The following KIAA1328 variants were observed in gnomAD, a reference collection of about 807,000 sequenced individuals.
KIAA1328 encodes the protein protein hinderin.
In KIAA1328, 52 loss-of-function variants were observed where a neutral mutation model predicts 68.1. The observed-to-expected ratio is 0.76, with a 90% CI of 0.61 to 0.96. The LOEUF is 0.96. Among genes scored for constraint, KIAA1328 ranks in the 40% least tolerant of loss-of-function variants. The pLI is 0.00. For missense variants in KIAA1328, 641 were observed against 677.6 expected (o/e 0.95, Z 0.60); for synonymous variants, 232 against 239.4 (o/e 0.97, Z 0.28).
intron 9 of KIAA1328, among the ~76,000 whole-genome samples, chr18:37,211,626 T>G (rs1252404322): frequency 6.6e-6 from 1 of 152,220 alleles, no homozygotes; most frequent in Non-Finnish European, 1.5e-5. Flanking sequence ...TTGAACTGTA[T>G]TAAGCCATTG....
intron 9 of KIAA1328, among the ~76,000 whole-genome samples, chr18:37,209,375 G>A (rs545948351): frequency 6.6e-6 from 1 of 152,130 alleles, no homozygotes; most frequent in South Asian, 2.1e-4. Context: ...ACCATGTTTT[G>A]CATGGAGATA....
chr18:36,912,625 G>A (rs1301488808), intron 5 of KIAA1328, among the ~76,000 whole-genome samples: 3 of 152,140 alleles, frequency 2.0e-5, no homozygotes, highest in African/African-American at 7.2e-5. Flanking sequence ...AGAGATTTAT[G>A]TCTGTTCTAC....
chr18:36,898,209 T>G (rs2048925966), intron 5 of KIAA1328, among the ~76,000 whole-genome samples: 1 of 152,056 alleles, frequency 6.6e-6, no homozygotes, highest in South Asian at 2.1e-4. Context: ...ATCTTCTATT[T>G]GAAGATTTTT....
intron 9 of KIAA1328, among the ~76,000 whole-genome samples, chr18:37,197,244 TTTTG>T (rs1339270936): frequency 7.9e-5 from 12 of 152,220 alleles, no homozygotes; most frequent in African/African-American, 2.6e-4. Flanking sequence ...AGTTTGTTGA[TTTTG>T]TTTATCTTTT....
chr18:36,924,094 C>T (rs1318794688), intron 5 of KIAA1328: 7 of 152,064 alleles, frequency 4.6e-5, no homozygotes, highest in Non-Finnish European at 7.3e-5. Flanking sequence ...TGGTTAGTGA[C>T]GGTAGATGCT....
intron 4 of KIAA1328, among the ~76,000 whole-genome samples, chr18:36,876,128 T>A (rs1205776433): frequency 1.3e-5 from 2 of 152,144 alleles, no homozygotes. Context: ...TGAAATTTTC[T>A]TTTTTTGTTG....
At chr18:36,965,962 T>C (rs924615892) in intron 6 of KIAA1328, among the ~76,000 whole-genome samples, 4 of 150,242 alleles carry the variant, frequency 2.7e-5, no homozygotes, top group African/African-American at 9.7e-5. Context: ...CACATTATAC[T>C]ATTAAACTCC....
At chr18:37,126,605 T>C (rs1206692229) in intron 7 of KIAA1328, among the ~76,000 whole-genome samples, 2 of 152,138 alleles carry the variant, frequency 1.3e-5, no homozygotes, top group African/African-American at 4.8e-5. Context: ...TTCAGACTCA[T>C]TTTGAGGCCA....
At chr18:36,974,936 GC>G (rs1354883751) in intron 6 of KIAA1328, among the ~76,000 whole-genome samples, 1 of 152,098 alleles carries the variant, frequency 6.6e-6, no homozygotes, top group Admixed American at 6.5e-5. Flanking sequence ...GTGAATTTTT[GC>G]TCTTGGAACA....
intron 6 of KIAA1328, among the ~76,000 whole-genome samples, chr18:37,013,770 T>C (rs1389952852): frequency 1.3e-5 from 2 of 152,214 alleles, no homozygotes; most frequent in African/African-American, 2.4e-5. Flanking sequence ...GTTGATTCCA[T>C]GTCTTTGCTA....
intron 9 of KIAA1328, among the ~76,000 whole-genome samples, chr18:37,204,159 G>A (rs2060171059): frequency 6.6e-6 from 1 of 152,142 alleles, no homozygotes; most frequent in Non-Finnish European, 1.5e-5. Context: ...CACAGACAAG[G>A]ACGTATCTAA....
chr18:36,975,471 C>T (rs1471224142), intron 6 of KIAA1328, among the ~76,000 whole-genome samples: 2 of 152,146 alleles, frequency 1.3e-5, no homozygotes, highest in African/African-American at 2.4e-5. Context: ...CGTGAGCCAC[C>T]GCGCCCGGCC....
At chr18:37,017,803 T>C (rs992840771) in intron 6 of KIAA1328, among the ~76,000 whole-genome samples, 1 of 152,148 alleles carries the variant, frequency 6.6e-6, no homozygotes, top group Non-Finnish European at 1.5e-5. Context: ...TTGTTTTCTA[T>C]TTATGCGGTA....
chr18:37,079,040 T>C (rs1348511606), intron 7 of KIAA1328, among the ~76,000 whole-genome samples: 1 of 151,442 alleles, frequency 6.6e-6, no homozygotes, highest in Non-Finnish European at 1.5e-5. Context: ...CGTATGTTTA[T>C]TGCGGCACTA....
At chr18:37,156,811 C>A (rs1472059080) in intron 7 of KIAA1328, among the ~76,000 whole-genome samples, 1 of 152,170 alleles carries the variant, frequency 6.6e-6, no homozygotes, top group African/African-American at 2.4e-5. Flanking sequence ...CATCGCTTTA[C>A]AGCTTTTCAT....
intron 7 of KIAA1328, among the ~76,000 whole-genome samples, chr18:37,121,621 T>G (rs948115870): frequency 6.6e-6 from 1 of 152,134 alleles, no homozygotes; most frequent in Non-Finnish European, 1.5e-5. Flanking sequence ...GATTTTTAGC[T>G]GTAGGTGAAT....
At chr18:36,978,935 G>A (rs2052576329) in intron 6 of KIAA1328, among the ~76,000 whole-genome samples, 1 of 152,180 alleles carries the variant, frequency 6.6e-6, no homozygotes, top group Non-Finnish European at 1.5e-5. Flanking sequence ...GGCCAAGGCA[G>A]GTGGATCACT....
chr18:37,019,176 C>T (rs899792451), intron 6 of KIAA1328, among the ~76,000 whole-genome samples: 3 of 151,882 alleles, frequency 2.0e-5, no homozygotes, highest in Admixed American at 1.3e-4. Flanking sequence ...CACCCCCCTC[C>T]GAGTGTGACT....
At chr18:36,865,040 T>C (rs78091949) in intron 4 of KIAA1328, among the ~76,000 whole-genome samples, 1 of 151,992 alleles carries the variant, frequency 6.6e-6, no homozygotes, top group African/African-American at 2.4e-5. Flanking sequence ...CTCTATTTCA[T>C]TGATTTTTTT....
Sources: gnomAD v4.1 joint callset for allele counts (sites outside exome capture counted in the v4.1 genomes callset) on GRCh38, gnomAD v4.1.1 for gene constraint, MANE v1.5 for transcripts, NCBI Gene and HGNC (gene_info 2026-07-23, HGNC 2026-07-21) for gene names.